GTF2IRD1: variants seen among roughly 807,000 people sequenced by gnomAD.
GTF2IRD1 encodes GTF2I repeat domain containing 1, also known as general transcription factor II-I repeat domain-containing protein 1.
A neutral mutation model predicts 113.2 loss-of-function variants in GTF2IRD1; 26 were observed. The observed-to-expected ratio is 0.23, with a 90% CI of 0.17 to 0.32. The LOEUF (loss-of-function observed/expected upper bound fraction) is 0.32, where lower values mean the gene tolerates loss of function less well. Ranked by LOEUF, GTF2IRD1 falls within the 10% of genes least tolerant of loss-of-function variation. The pLI is 1.00. For missense variants in GTF2IRD1, 864 were observed against 1,280.8 expected, an observed-to-expected ratio of 0.67 and a Z score of 4.97; for synonymous variants, 484 against 529.1, an observed-to-expected ratio of 0.91 and a Z score of 1.17.
intron 21 of GTF2IRD1, 22 bp downstream of exon 21, chr7:74,559,066 G>C: frequency 6.2e-7 from 1 of 1,605,480 alleles, no homozygotes; most frequent in Non-Finnish European, 8.5e-7. Flanking sequence ...GAAGGGTGAG[G>C]GTGAAGAGGC....
chr7:74,542,095 C>CAA (rs781834327), intron 14 of GTF2IRD1, among the ~76,000 whole-genome samples: 2 of 130,812 alleles, frequency 1.5e-5, no homozygotes, highest in African/African-American at 5.7e-5. Context: ...GACACCATCT[C>CAA]AAAAAAAAAA....
At chr7:74,470,346 C>G (rs1794008313) in intron 1 of GTF2IRD1, among the ~76,000 whole-genome samples, 1 of 152,154 alleles carries the variant, frequency 6.6e-6, no homozygotes, top group African/African-American at 2.4e-5. Context: ...AGTTGTGTGA[C>G]CATCGCCACC....
intron 4 of GTF2IRD1, among the ~76,000 whole-genome samples, chr7:74,516,957 G>A (rs1796963028): frequency 6.6e-6 from 1 of 151,796 alleles, no homozygotes; most frequent in Non-Finnish European, 1.5e-5. Context: ...CCCCATCTTT[G>A]TTCCTGCGTC....
At chr7:74,528,703 A>ATGGG (rs1216253158) in intron 8 of GTF2IRD1, among the ~76,000 whole-genome samples, 3 of 142,540 alleles carry the variant, frequency 2.1e-5, no homozygotes, top group East Asian at 2.2e-4. Flanking sequence ...GGAAGGAAAG[A>ATGGG]TGGGTGGATG....
In GTF2IRD1 at chr7:74,529,735, G is replaced by A. The variant is rs781989750; in HGVS notation, c.1092G>A (p.Ala364=). The A allele has an allele frequency of 1.9e-5, 31 of 1,613,816 alleles. No homozygotes were observed. The highest frequency in any genetic ancestry group is 8.8e-5 in the South Asian group (8 of 91,068). ...CVQILFNSRY[A]EALGLDHMVP... The stretch of plus-strand genomic sequence containing the variant: ...CTTGCTGTTTGGTTGTCTTTCCAGC[G>A]GAAGCCCTGGGCCTGGACCACATGG... Residue 364 remains alanine, a splice_region_variant and synonymous_variant, in exon 9 of 27, where the codon GCG becomes GCA. Coordinates refer to ENST00000424337, the MANE Select transcript of GTF2IRD1 (RefSeq NM_005685.4).
chr7:74,552,086 G>C (rs2130724199), intron 17 of GTF2IRD1, among the ~76,000 whole-genome samples: 1 of 151,922 alleles, frequency 6.6e-6, no homozygotes, highest in Non-Finnish European at 1.5e-5. Context: ...TGAGGTTGAG[G>C]CCCAAGAGGT....
intron 1 of GTF2IRD1, among the ~76,000 whole-genome samples, chr7:74,456,422 G>A (rs550898877): frequency 1.3e-5 from 2 of 152,230 alleles, no homozygotes; most frequent in South Asian, 4.1e-4. Context: ...AGTGGCTCAC[G>A]CCTGTAATCC....
intron 22 of GTF2IRD1, among the ~76,000 whole-genome samples, chr7:74,563,976 C>T (rs1583898265): frequency 1.3e-5 from 2 of 152,000 alleles, no homozygotes; most frequent in Non-Finnish European, 2.9e-5. Context: ...AGAACCACCC[C>T]GAGAAGGTAA....
At chr7:74,584,241 C>A (rs1293382226) in intron 22 of GTF2IRD1, among the ~76,000 whole-genome samples, 1 of 151,956 alleles carries the variant, frequency 6.6e-6, no homozygotes, top group African/African-American at 2.4e-5. Context: ...GTCAGGAGTT[C>A]GAGACTGGCC....
intron 1 of GTF2IRD1, among the ~76,000 whole-genome samples, chr7:74,470,052 C>G (rs1295369383): frequency 1.3e-5 from 2 of 152,038 alleles, no homozygotes; most frequent in Non-Finnish European, 2.9e-5. Flanking sequence ...GGCTGGAGTG[C>G]AGCGGTGCAG....
intron 22 of GTF2IRD1, 131 bp downstream of exon 22, chr7:74,559,786 T>G (rs1799840121): frequency 1.5e-6 from 1 of 661,250 alleles, no homozygotes; most frequent in Non-Finnish European, 2.4e-6. Context: ...TGCCTTTCTT[T>G]TTTTTTTTTC....
intron 1 of GTF2IRD1, among the ~76,000 whole-genome samples, chr7:74,489,725 C>T (rs1795226079): frequency 6.6e-6 from 1 of 152,202 alleles, no homozygotes; most frequent in Non-Finnish European, 1.5e-5. Context: ...GTTCTGGCCT[C>T]TCCTTACACC....
At chr7:74,471,672 T>TAAA (rs66929736) in intron 1 of GTF2IRD1, among the ~76,000 whole-genome samples, 3 of 104,680 alleles carry the variant, frequency 2.9e-5, no homozygotes, top group Non-Finnish European at 5.5e-5. Context: ...TTGAAATATT[T>TAAA]AAAAAAAAAA....
rs1194384901 is a variant in GTF2IRD1 at position 74,512,044 on chromosome 7, T to C, written c.124-786T>C. 6.6e-6 allele frequency among the ~76,000 whole-genome samples: 1 copy of C among 152,088 alleles called. No individual in the cohort carries two copies. Among genetic ancestry groups the C allele is most frequent in the African/African-American group, 2.4e-5 (1 of 41,424 alleles). On this transcript the variant is annotated intron_variant, in intron 2 of 26. Coordinates refer to ENST00000424337, the MANE Select transcript of GTF2IRD1 (RefSeq NM_005685.4). This position sits in a 1 kb window ranked among gnomAD's most constrained non-coding sequence, Gnocchi z 4.4. ...TGGCACTGTGGAACTGGGCTGCTTGTCCCCAATTCTATAGACGTGGAAACT... is the reference window on the plus strand; with the variant it reads ...TGGCACTGTGGAACTGGGCTGCTTGCCCCCAATTCTATAGACGTGGAAACT...
chr7:74,555,915 C>G lies in GTF2IRD1; in HGVS notation c.2023+421C>G, dbSNP rs1206561325. ...CTTGAGGCTGGGAGCTCGAGACAAG[C>G]CTGGACAACATAGAACCCGTCTCTA... On this transcript the variant is annotated intron_variant, in intron 19 of 26. Transcript: ENST00000424337. This position sits in a 1 kb window ranked among gnomAD's most constrained non-coding sequence, Gnocchi z 5.3. 4.6e-5 allele frequency among the ~76,000 whole-genome samples: 7 copies of G among 152,088 alleles called. No individual in the cohort carries two copies. Among genetic ancestry groups the G allele is most frequent in the African/African-American group, 1.7e-4 (7 of 41,400 alleles).
rs1286977117 is a variant in GTF2IRD1 at position 74,561,510 on chromosome 7, G to A, written c.2320+1855G>A. On this transcript the variant is annotated intron_variant, in intron 22 of 26. Transcript: ENST00000424337. ...GCCTCAGGGGAAGATGGGACTTTGAGAGGCAGAGAGGAGGGTGGGTTTGGC... is the reference window on the plus strand; with the variant it reads ...GCCTCAGGGGAAGATGGGACTTTGAAAGGCAGAGAGGAGGGTGGGTTTGGC... Among the ~76,000 whole-genome samples, 5 of 151,912 alleles carry A rather than the reference G, an allele frequency of 3.3e-5. No homozygotes were observed. The East Asian group carries it at 9.7e-4, about 29-fold the overall frequency.
At chr7:74,554,702 C>G in intron 17 of GTF2IRD1, among the ~76,000 whole-genome samples, 1 of 152,144 alleles carries the variant, frequency 6.6e-6, no homozygotes, top group Non-Finnish European at 1.5e-5. Flanking sequence ...CCACACCTGG[C>G]TAATTTTTGT....
In GTF2IRD1 at chr7:74,488,812, A is replaced by G. The variant is rs554851194; in HGVS notation, c.-6-19263A>G. ...TAGTCCTGGGGGGGTAAAAAAGGAA[A>G]GAAGAAAAGAAACCTCTACTAAGAG... On this transcript the variant is annotated intron_variant, in intron 1 of 26. Coordinates refer to ENST00000424337, the MANE Select transcript of GTF2IRD1 (RefSeq NM_005685.4). Among the ~76,000 whole-genome samples, 59 of 151,896 alleles carry G rather than the reference A, an allele frequency of 3.9e-4. No homozygotes were observed. The South Asian group carries it at 8.1e-3, about 21-fold the overall frequency.
intron 1 of GTF2IRD1, among the ~76,000 whole-genome samples, chr7:74,460,551 G>A (rs13237829): frequency 0.57 from 86,908 of 151,838 alleles, 26,043 homozygotes; most frequent in East Asian, 0.81. Context: ...GTCCTTGGTC[G>A]GGCCTCCTCC....
Sources: allele counts gnomAD v4.1 joint callset (sites outside exome capture counted in the v4.1 genomes callset), GRCh38; gene constraint gnomAD v4.1.1; non-coding constraint Gnocchi (gnomAD v3.1); transcripts MANE v1.5; gene names NCBI Gene and HGNC (gene_info 2026-07-23, HGNC 2026-07-21).